PCDH9: variants seen among roughly 807,000 people sequenced by gnomAD.
PCDH9 encodes the protein protocadherin-9.
PCDH9 carries 24 observed loss-of-function variants against 70.6 expected under a neutral mutation model. The observed-to-expected ratio is 0.34, with a 90% CI of 0.25 to 0.48. The LOEUF is 0.48. Among genes scored for constraint, PCDH9 ranks in the 20% least tolerant of loss-of-function variants. PCDH9 has a pLI of 0.99. For missense variants in PCDH9, 1,281 were observed against 1,503.6 expected, an observed-to-expected ratio of 0.85 and a Z score of 2.45; for synonymous variants, 562 against 558.5, an observed-to-expected ratio of 1.01 and a Z score of -0.09.
intron 3 of PCDH9, among the ~76,000 whole-genome samples, chr13:66,830,037 C>A (rs1215743103): frequency 6.6e-6 from 1 of 151,740 alleles, no homozygotes; most frequent in African/African-American, 2.4e-5. Flanking sequence ...ATAAACATTA[C>A]AAAAACGTCA....
At chr13:66,975,189 T>C (rs1356595376) in intron 2 of PCDH9, among the ~76,000 whole-genome samples, 1 of 151,998 alleles carries the variant, frequency 6.6e-6, no homozygotes, top group African/African-American at 2.4e-5. Flanking sequence ...ATAGGCCATG[T>C]CATAGAAAGC....
chr13:67,226,448 C>T lies in PCDH9; in HGVS notation c.1993G>A (p.Val665Ile), dbSNP rs114529152. Residue 665 changes from valine to isoleucine, a missense_variant, in exon 2 of 5, where the codon GTC becomes ATC. Transcript: ENST00000377865. This position sits in a 1 kb window ranked among gnomAD's most constrained non-coding sequence, Gnocchi z 5.0. ...RSSTAKVTINVMDVNDNSPVV... is the reference protein window; with the variant it reads ...RSSTAKVTINIMDVNDNSPVV... ...GGGCTGTTGTCATTGACATCCATGA[C>T]GTTGATAGTTACTTTTGCAGTAGAG... 1.4e-3 allele frequency: 2,230 copies of T among 1,613,968 alleles called. 29 individuals are homozygous for T. In the African/African-American group the frequency reaches 0.025, roughly 18 times the overall value.
chr13:66,682,240 G>A (rs995556248), intron 3 of PCDH9, among the ~76,000 whole-genome samples: 7 of 151,628 alleles, frequency 4.6e-5, no homozygotes, highest in Admixed American at 1.3e-4. Context: ...ATGTATTGTG[G>A]CCCTTTAGAG....
At chr13:66,799,650 G>A (rs934209088) in intron 3 of PCDH9, among the ~76,000 whole-genome samples, 1 of 151,986 alleles carries the variant, frequency 6.6e-6, no homozygotes, top group Non-Finnish European at 1.5e-5. Context: ...CACAACTTAC[G>A]TTATTTAAGT....
At chr13:66,781,470 A>G (rs910515637) in intron 3 of PCDH9, among the ~76,000 whole-genome samples, 6 of 152,212 alleles carry the variant, frequency 3.9e-5, no homozygotes, top group African/African-American at 9.6e-5. Flanking sequence ...ATTACAAAGG[A>G]ATTAAAAATC....
At chr13:66,589,295 A>C (rs2077007991) in intron 4 of PCDH9, among the ~76,000 whole-genome samples, 1 of 152,074 alleles carries the variant, frequency 6.6e-6, no homozygotes, top group Admixed American at 6.6e-5. Context: ...AGATAGAAGG[A>C]ATTAATACTA....
intron 4 of PCDH9, among the ~76,000 whole-genome samples, chr13:66,583,386 G>A (rs1187520539): frequency 1.3e-5 from 2 of 152,078 alleles, no homozygotes; most frequent in Non-Finnish European, 2.9e-5. Flanking sequence ...GCTGAGGCAG[G>A]TGGATCACGA....
At chr13:66,475,100 G>T (rs929931475) in intron 4 of PCDH9, among the ~76,000 whole-genome samples, 1 of 151,976 alleles carries the variant, frequency 6.6e-6, no homozygotes, top group Non-Finnish European at 1.5e-5. Flanking sequence ...AAATTTCTGA[G>T]AAAAAGGAAT....
At chr13:66,723,834 A>C (rs2078972425) in intron 3 of PCDH9, among the ~76,000 whole-genome samples, 1 of 152,222 alleles carries the variant, frequency 6.6e-6, no homozygotes, top group Non-Finnish European at 1.5e-5. Context: ...CCCAGAACCA[A>C]GGAGCAATGG....
At chr13:66,580,093 AAT>A (rs1312915798) in intron 4 of PCDH9, among the ~76,000 whole-genome samples, 2 of 152,056 alleles carry the variant, frequency 1.3e-5, no homozygotes, top group Non-Finnish European at 1.5e-5. Context: ...GTCTAATATA[AAT>A]ATGTTAGTGT....
At chr13:66,697,183 G>A (rs913825224) in intron 3 of PCDH9, among the ~76,000 whole-genome samples, 1 of 152,068 alleles carries the variant, frequency 6.6e-6, no homozygotes, top group African/African-American at 2.4e-5. Flanking sequence ...ATGTTTTTAA[G>A]CTATGTGCTT....
intron 4 of PCDH9, among the ~76,000 whole-genome samples, chr13:66,464,680 T>G (rs1958485860): frequency 1.3e-5 from 2 of 151,930 alleles, no homozygotes; most frequent in Non-Finnish European, 2.9e-5. Context: ...AATCTGTTAC[T>G]TTTCCATTTG....
intron 3 of PCDH9, among the ~76,000 whole-genome samples, chr13:66,793,840 T>A (rs2080198435): frequency 3.9e-5 from 6 of 152,200 alleles, no homozygotes; most frequent in Admixed American, 3.9e-4. Flanking sequence ...GTAGATTAAA[T>A]GTTATTAGCT....
At chr13:66,820,939 G>A (rs1246558563) in intron 3 of PCDH9, among the ~76,000 whole-genome samples, 3 of 152,034 alleles carry the variant, frequency 2.0e-5, no homozygotes, top group Non-Finnish European at 4.4e-5. Flanking sequence ...GAACCTCCAT[G>A]ACACAATGTT....
intron 4 of PCDH9, among the ~76,000 whole-genome samples, chr13:66,403,234 G>A (rs1229901963): frequency 1.3e-5 from 2 of 151,812 alleles, no homozygotes; most frequent in Non-Finnish European, 2.9e-5. Context: ...CAACTTTACA[G>A]GCTCAAGCAA....
At chr13:66,510,170 A>G (rs866101261) in intron 4 of PCDH9, among the ~76,000 whole-genome samples, 1 of 152,078 alleles carries the variant, frequency 6.6e-6, no homozygotes, top group Non-Finnish European at 1.5e-5. Context: ...AATATACATT[A>G]TTATTTCTAT....
chr13:66,782,030 CA>C (rs1566190914), intron 3 of PCDH9, among the ~76,000 whole-genome samples: 1 of 152,062 alleles, frequency 6.6e-6, no homozygotes, highest in Non-Finnish European at 1.5e-5. Flanking sequence ...CTCAATATAT[CA>C]AACTTCTTGG....
intron 3 of PCDH9, among the ~76,000 whole-genome samples, chr13:66,832,821 CCA>C (rs1172524446): frequency 6.6e-6 from 1 of 152,046 alleles, no homozygotes. Context: ...CTGTGCACTA[CCA>C]AGATCTTGAG....
intron 2 of PCDH9, chr13:67,204,078 T>G (rs1052663022): frequency 6.6e-6 from 1 of 152,134 alleles, no homozygotes; most frequent in Non-Finnish European, 1.5e-5. Context: ...TGATTACATA[T>G]AAGGCTGGTT....
Sources: gnomAD v4.1 joint callset for allele counts (sites outside exome capture counted in the v4.1 genomes callset) on GRCh38, gnomAD v4.1.1 for gene constraint, Gnocchi (gnomAD v3.1) non-coding constraint, MANE v1.5 for transcripts, NCBI Gene and HGNC (gene_info 2026-07-23, HGNC 2026-07-21) for gene names.